Variants in TTYH3 observed in about 807,000 individuals in gnomAD.
The protein encoded by TTYH3 is protein tweety homolog 3.
In TTYH3, 23 loss-of-function variants were observed where a neutral mutation model predicts 68.2. The observed-to-expected ratio is 0.34, with a 90% CI of 0.24 to 0.48. TTYH3 has a LOEUF of 0.48. Among genes scored for constraint, TTYH3 ranks in the 20% least tolerant of loss-of-function variants. The pLI, the probability that TTYH3 is intolerant of heterozygous loss-of-function variation, is 0.99. For missense variants in TTYH3, 768 were observed against 727.7 expected, an observed-to-expected ratio of 1.06 and a Z score of -0.64; for synonymous variants, 360 against 332.8, an observed-to-expected ratio of 1.08 and a Z score of -0.89.
At chr7:2,650,819 G>C (rs778708755) in intron 7 of TTYH3, among the ~76,000 whole-genome samples, 1 of 151,906 alleles carries the variant, frequency 6.6e-6, no homozygotes, top group Non-Finnish European at 1.5e-5. Context: ...TGGGTGAGGA[G>C]GATACCTCAA....
At chr7:2,649,232 G>A (rs557984105) in intron 5 of TTYH3, among the ~76,000 whole-genome samples, 3 of 152,236 alleles carry the variant, frequency 2.0e-5, no homozygotes, top group East Asian at 3.9e-4. Context: ...CTGCTACGTG[G>A]GCGGCGGGAT....
rs572338741 is a variant in TTYH3, at chr7:2,664,474, A to T, written c.*2735A>T. 2.0e-5 allele frequency: 3 copies of T among 149,850 alleles called. No individual in the cohort carries two copies. The East Asian group carries it at 5.8e-4, about 29-fold the overall frequency. The allele number at this position is 149,850 out of a possible 1,614,324, so 9.3% of individuals were successfully genotyped here. On this transcript the variant is annotated 3_prime_UTR_variant, in exon 14 of 14. Transcript: ENST00000258796. ...GAACCACTTCATATTTGTTATATAT[A>T]ATATATATATATATAATCTCCTTAA...
intron 8 of TTYH3, 63 bp downstream of exon 8, chr7:2,652,305 A>G: frequency 6.8e-7 from 1 of 1,479,788 alleles, no homozygotes; most frequent in Non-Finnish European, 9.3e-7. Flanking sequence ...CTGTGTGTGG[A>G]GGGGCCCAGC....
In TTYH3 at chr7:2,647,920, G is replaced by A. The variant is rs201536600; in HGVS notation, c.627-39G>A. ...CCTGGCGCCCCACTCCCAGGCCCCG[G>A]GTCCCTGTGCCCTGGCGCACTCCCA... On this transcript the variant is annotated intron_variant, in intron 4 of 13. Transcript: ENST00000258796. 5,492 of 1,598,986 alleles carry A rather than the reference G, an allele frequency of 3.4e-3. 21 individuals carry two copies. Among genetic ancestry groups the A allele is most frequent in the Middle Eastern group, 8.1e-3 (49 of 6,048 alleles).
At chr7:2,646,737 C>G (rs146220093) in intron 1 of TTYH3, 116 bp from the exon 2 acceptor site, 11 of 1,200,650 alleles carry the variant, frequency 9.2e-6, no homozygotes, top group African/African-American at 7.6e-5. Flanking sequence ...GGGCCCACCT[C>G]CCAGGGCTGG....
chr7:2,634,949 G>A (rs576281921), intron 1 of TTYH3, among the ~76,000 whole-genome samples: 5 of 152,248 alleles, frequency 3.3e-5, no homozygotes, highest in South Asian at 4.1e-4. Flanking sequence ...GGGTGTGACC[G>A]TGGGATTAGA....
chr7:2,642,160 C>T (rs1168718384), intron 1 of TTYH3, among the ~76,000 whole-genome samples: 1 of 152,164 alleles, frequency 6.6e-6, no homozygotes, highest in East Asian at 1.9e-4. Context: ...TTTGGGAGGC[C>T]GAGGCAGGTG....
intron 5 of TTYH3, chr7:2,648,378 G>C (rs1786060043): frequency 3.4e-6 from 1 of 298,086 alleles, no homozygotes; most frequent in Non-Finnish European, 6.2e-6. Flanking sequence ...CCAGGCTGGG[G>C]CTCCTTCCTC....
At chr7:2,643,104 C>G (rs1292713030) in intron 1 of TTYH3, among the ~76,000 whole-genome samples, 1 of 151,536 alleles carries the variant, frequency 6.6e-6, no homozygotes, top group Non-Finnish European at 1.5e-5. Flanking sequence ...GCCTGTAATC[C>G]CAGCACTTTG....
chr7:2,650,017 G>A (rs764931431), intron 7 of TTYH3, 29 bp downstream of exon 7: 2 of 1,613,108 alleles, frequency 1.2e-6, no homozygotes, highest in Non-Finnish European at 8.5e-7. Flanking sequence ...CCGTGTCCCA[G>A]CGGGTTCCCC....
rs772324540 is a variant in TTYH3, at chr7:2,649,538, G to A, written c.723-29G>A. On this transcript the variant is annotated intron_variant, in intron 5 of 13. Coordinates refer to ENST00000258796, the MANE Select transcript of TTYH3 (RefSeq NM_025250.3). ...TGGCACGGCCCCCACCCTGGCCTGGGGGCTGCTGACTGGCTGTCTCTGCCC... is the reference window on the plus strand; with the variant it reads ...TGGCACGGCCCCCACCCTGGCCTGGAGGCTGCTGACTGGCTGTCTCTGCCC... 49 of 1,558,300 alleles carry A rather than the reference G, an allele frequency of 3.1e-5. No individual in the cohort carries two copies. The South Asian group carries it at 5.1e-4, about 16-fold the overall frequency.
chr7:2,641,123 C>T (rs1001593330), intron 1 of TTYH3, among the ~76,000 whole-genome samples: 2 of 152,210 alleles, frequency 1.3e-5, no homozygotes, highest in Non-Finnish European at 2.9e-5. Flanking sequence ...CCTGCCCGCT[C>T]CTCACCAGCC....
At chr7:2,650,426 A>C (rs1786137340) in intron 7 of TTYH3, among the ~76,000 whole-genome samples, 1 of 152,088 alleles carries the variant, frequency 6.6e-6, no homozygotes, top group South Asian at 2.1e-4. Flanking sequence ...AAAAATACAC[A>C]AATGAGCTGG....
intron 1 of TTYH3, among the ~76,000 whole-genome samples, chr7:2,637,819 C>T (rs1250066644): frequency 6.6e-6 from 1 of 152,148 alleles, no homozygotes; most frequent in Admixed American, 6.5e-5. Context: ...TCACACCATC[C>T]GAGGGGGCTT....
intron 9 of TTYH3, among the ~76,000 whole-genome samples, chr7:2,655,577 T>G (rs1328363940): frequency 6.6e-6 from 1 of 152,212 alleles, no homozygotes; most frequent in Non-Finnish European, 1.5e-5. Context: ...TCTCCAGGCA[T>G]GAGACAGAGC....
In TTYH3 at chr7:2,661,858, C is replaced by A. The variant is rs904639709; in HGVS notation, c.*119C>A. 3.6e-6 allele frequency: 4 copies of A among 1,112,924 alleles called. 1 individual carries two copies. In the East Asian group the frequency reaches 1.0e-4, roughly 29 times the overall value. The allele number at this position is 1,112,924 out of a possible 1,614,324, so 68.9% of individuals were successfully genotyped here. On this transcript the variant is annotated 3_prime_UTR_variant, in exon 14 of 14. Transcript: ENST00000258796. ...CGCCGTGCCAGGCCTGCCCCAGACG[C>A]GTCTGCAGGCCGCTTGCCCTCCTGT...
chr7:2,646,211 C>T (rs987977495), intron 1 of TTYH3, among the ~76,000 whole-genome samples: 1 of 152,166 alleles, frequency 6.6e-6, no homozygotes, highest in East Asian at 1.9e-4. Context: ...GATGGGGTTT[C>T]GCCACGTTGG....
chr7:2,637,515 A>G (rs1219536263), intron 1 of TTYH3, among the ~76,000 whole-genome samples: 1 of 152,140 alleles, frequency 6.6e-6, no homozygotes, highest in Non-Finnish European at 1.5e-5. Flanking sequence ...CAGTGGATAC[A>G]GCGTCAGCAC....
At position 2,648,047 on chromosome 7, in the gene TTYH3, C is replaced by A. The variant is rs968838147; in HGVS notation, c.715C>A (p.Leu239Met). Residue 239 changes from leucine (L) to methionine (M), a missense_variant, in exon 5 of 14, where the codon CTG becomes ATG. Leu to Met is a conservative substitution (Grantham distance 15, BLOSUM62 2). Transcript: ENST00000258796. ...CCTCATCCGCAGCTCCAAGGGCATCCTGGTGGGGTGAGTCTGGGGGTGTCG... is the reference window on the plus strand; with the variant it reads ...CCTCATCCGCAGCTCCAAGGGCATCATGGTGGGGTGAGTCTGGGGGTGTCG... Reference protein sequence around the residue: ...VGLIRSSKGILVGVCLLGVLA... With the variant: ...VGLIRSSKGIMVGVCLLGVLA... The A allele has an allele frequency of 6.2e-7, 1 of 1,609,286 alleles. No individual in the cohort carries two copies. Among genetic ancestry groups the A allele is most frequent in the Non-Finnish European group, 8.5e-7 (1 of 1,179,726 alleles).
Sources: allele counts gnomAD v4.1 joint callset (sites outside exome capture counted in the v4.1 genomes callset), GRCh38; gene constraint gnomAD v4.1.1; transcripts MANE v1.5; gene names NCBI Gene and HGNC (gene_info 2026-07-23, HGNC 2026-07-21).